Variants in HMMR observed in about 807,000 individuals in gnomAD.
HMMR encodes the protein hyaluronan mediated motility receptor, also known as intracellular hyaluronic acid-binding protein.
In HMMR, 108 loss-of-function variants were observed where a neutral mutation model predicts 101.0. The observed-to-expected ratio is 1.07, with a 90% confidence interval of 0.92 to 1.25. The LOEUF (loss-of-function observed/expected upper bound fraction) is 1.25, where lower values mean the gene tolerates loss of function less well. Ranked by LOEUF, HMMR falls within the 50% of genes most tolerant of loss-of-function variation. The probability of loss-of-function intolerance (pLI) is 0.00; values close to 1 mark genes in which losing one functional copy is unlikely to be tolerated. For synonymous variants in HMMR, 296 were observed against 276.4 expected (o/e 1.07, Z -0.70); for missense variants, 813 against 788.7 (o/e 1.03, Z -0.37).
intron 11 of HMMR, among the ~76,000 whole-genome samples, chr5:163,477,440 G>A (rs994416187): frequency 4.6e-5 from 7 of 151,944 alleles, no homozygotes; most frequent in Non-Finnish European, 7.4e-5. Flanking sequence ...AATCTTTTCT[G>A]TTTTCTTATG....
At position 163,464,736 on chromosome 5, in the gene HMMR, T is replaced by A. The variant is rs1490240955; in HGVS notation, c.159T>A (p.Asn53Lys). Residue 53 changes from asparagine to lysine, a missense_variant, in exon 3 of 18, where the codon AAT becomes AAA. Coordinates refer to ENST00000393915, the MANE Select transcript of HMMR (RefSeq NM_001142556.2). ...ATTTTTCCGCAGAATCTAAACAAAA[T>A]CTTAATGTTGACAAAGATACTACCT... ...RFKQQKESKQ[N>K]LNVDKDTTLP... 6.2e-7 allele frequency: 1 copy of A among 1,610,660 alleles called. No individual in the cohort carries two copies. Among genetic ancestry groups the A allele is most frequent in the Non-Finnish European group, 8.5e-7 (1 of 1,177,304 alleles).
intron 4 of HMMR, among the ~76,000 whole-genome samples, chr5:163,468,935 C>G (rs950965010): frequency 2.6e-5 from 4 of 151,878 alleles, no homozygotes; most frequent in Non-Finnish European, 4.4e-5. Flanking sequence ...GATGGCTTGC[C>G]AATGCCTAGT....
chr5:163,464,650 T>G (rs1758643075), intron 2 of HMMR, 73 bp from the exon 3 acceptor site: 1 of 1,007,966 alleles, frequency 9.9e-7, no homozygotes, highest in African/African-American at 1.6e-5. Context: ...CAAAAAAATT[T>G]GGAAATTGTG....
At position 163,460,648 on chromosome 5, in the gene HMMR, T is replaced by G. The variant is rs904496091; in HGVS notation, c.-45T>G. 6.4e-7 allele frequency: 1 copy of G among 1,566,232 alleles called. No homozygotes were observed. Among genetic ancestry groups the G allele is most frequent in the African/African-American group, 1.4e-5 (1 of 74,070 alleles). On this transcript the variant is annotated 5_prime_UTR_variant, in exon 1 of 18. Coordinates refer to ENST00000393915, the MANE Select transcript of HMMR (RefSeq NM_001142556.2). ...GGGAGTGATAATCCGCATTCAGTTG[T>G]CGAGGAGTGCCAGTCACCTTCAGTT...
intron 1 of HMMR, 64 bp from the exon 2 acceptor site, chr5:163,463,792 C>A: frequency 1.6e-6 from 1 of 607,778 alleles, no homozygotes; most frequent in Non-Finnish European, 2.6e-6. Flanking sequence ...TTTATTATGA[C>A]ATGTTTTAAC....
In HMMR at chr5:163,462,794, C is replaced by T. The variant is rs974410319; in HGVS notation, c.47-1062C>T. On this transcript the variant is annotated intron_variant, in intron 1 of 17. Coordinates refer to ENST00000393915, the MANE Select transcript of HMMR (RefSeq NM_001142556.2). Reference sequence around the variant, plus strand: ...AGTGAGCCAAGATGGCGCCACTACACTCCAGCCTAGACAACAGAGCAAGAC... The same window carrying T: ...AGTGAGCCAAGATGGCGCCACTACATTCCAGCCTAGACAACAGAGCAAGAC... Among the ~76,000 whole-genome samples the T allele has an allele frequency of 2.9e-5, 4 of 135,796 alleles. No homozygotes were observed. The South Asian group carries it at 9.2e-4, about 31-fold the overall frequency. 89.1% of individuals were successfully genotyped at this position (135,796 alleles called of 152,430 possible). A position where few individuals can be genotyped will look rare whatever the true frequency, so the allele number is the denominator to read the frequency against.
intron 10 of HMMR, among the ~76,000 whole-genome samples, chr5:163,475,218 T>G (rs1292744827): frequency 6.6e-6 from 1 of 151,988 alleles, no homozygotes; most frequent in East Asian, 1.9e-4. Context: ...TAATTTTAGA[T>G]TAAGAAGTTT....
At chr5:163,463,161 T>C (rs1758595286) in intron 1 of HMMR, among the ~76,000 whole-genome samples, 1 of 152,190 alleles carries the variant, frequency 6.6e-6, no homozygotes, top group African/African-American at 2.4e-5. Flanking sequence ...AACATACAAA[T>C]ATAGTCTAGT....
In HMMR at chr5:163,474,170, G is replaced by T. The variant is rs770301976; in HGVS notation, c.1018G>T (p.Glu340Ter). The T allele has an allele frequency of 6.2e-7, 1 of 1,608,744 alleles. No homozygotes were observed. Among genetic ancestry groups the T allele is most frequent in the Non-Finnish European group, 8.5e-7 (1 of 1,177,764 alleles). The change falls in exon 10 of 18, where the codon GAA becomes TAA. Residue 340 changes from glutamate (E) to a stop codon, truncating the protein, a stop_gained. Coordinates refer to ENST00000393915, the MANE Select transcript of HMMR (RefSeq NM_001142556.2). LOFTEE classifies it high-confidence loss of function. ...QQEREKLQQK[E>*]LQIDSLLQQE... ...GGAACGTGAAAAGCTTCAACAAAAA[G>T]AATTACAAATTGATTCACTTCTGCA...
chr5:163,484,274 A>C, intron 16 of HMMR, 29 bp downstream of exon 16: 1 of 1,285,242 alleles, frequency 7.8e-7, no homozygotes, highest in South Asian at 1.3e-5. Flanking sequence ...CATTTTATTA[A>C]AGATATTGGA....
rs1758968142 is a variant in HMMR at position 163,473,510 on chromosome 5, A to G, written c.857A>G (p.Gln286Arg). ...LEENIVILSKQVEDLNVKCQL... is the reference protein window; with the variant it reads ...LEENIVILSKRVEDLNVKCQL... ...GAGAATATTGTTATATTATCTAAAC[A>G]AGTAGAAGATCTAAATGTGAAATGT... Residue 286 changes from glutamine (Q) to arginine (R), a missense_variant, in exon 9 of 18, where the codon CAA becomes CGA. By Grantham distance (43) the Gln-to-Arg change is conservative. Coordinates refer to ENST00000393915, the MANE Select transcript of HMMR (RefSeq NM_001142556.2). 3 of 1,590,134 alleles carry G rather than the reference A, an allele frequency of 1.9e-6. No homozygotes were observed. In the East Asian group the frequency reaches 6.7e-5, roughly 36 times the overall value.
Position 163,468,946 on chromosome 5 carries a change from A to G in HMMR, c.274-695A>G, listed in dbSNP as rs78387796. Among the ~76,000 whole-genome samples, 541 of 152,200 alleles carry G rather than the reference A, an allele frequency of 3.6e-3. 1 individual carries two copies. The highest frequency in any genetic ancestry group is 5.7e-3 in the Non-Finnish European group (387 of 68,014). ...GAATGATGGCTTGCCAATGCCTAGT[A>G]CATTCTCCTCAGAAGCCCAGCTCTG... is the stretch of plus-strand genomic sequence containing the variant. On this transcript the variant is annotated intron_variant, in intron 4 of 17. Transcript: ENST00000393915.
chr5:163,491,111 G>A lies in HMMR; in HGVS notation c.2126-1G>A. ...ATCCTTCTTTTCAATAATTCTTCTA[G>A]GCAATACAAACTGTTACCGAGCTCC... is the stretch of plus-strand genomic sequence containing the variant. On this transcript the variant is annotated splice_acceptor_variant, in intron 17 of 17. Coordinates refer to ENST00000393915, the MANE Select transcript of HMMR (RefSeq NM_001142556.2). LOFTEE classifies it high-confidence loss of function. 2 of 1,542,058 alleles carry A rather than the reference G, an allele frequency of 1.3e-6. No individual in the cohort carries two copies. Among genetic ancestry groups the A allele is most frequent in the Non-Finnish European group, 1.8e-6 (2 of 1,134,280 alleles).
chr5:163,481,788 T>C (rs1759275242), intron 12 of HMMR, among the ~76,000 whole-genome samples: 1 of 152,206 alleles, frequency 6.6e-6, no homozygotes, highest in Non-Finnish European at 1.5e-5. Flanking sequence ...CCTTTATCAC[T>C]CACCTGGGCT....
At chr5:163,466,037 G>A (rs1269043732) in intron 3 of HMMR, among the ~76,000 whole-genome samples, 2 of 151,732 alleles carry the variant, frequency 1.3e-5, no homozygotes, top group African/African-American at 4.8e-5. Context: ...GCTGAAGCAG[G>A]TGGATTGCTT....
intron 5 of HMMR, among the ~76,000 whole-genome samples, chr5:163,470,403 C>A (rs1223624139): frequency 6.6e-6 from 1 of 152,130 alleles, no homozygotes; most frequent in Non-Finnish European, 1.5e-5. Context: ...GGATGGATCA[C>A]TTGAGGTCAG....
At chr5:163,464,630 A>T in intron 2 of HMMR, 93 bp from the exon 3 acceptor site, 1 of 863,868 alleles carries the variant, frequency 1.2e-6, no homozygotes, top group Non-Finnish European at 1.9e-6. Context: ...AACAAACAAA[A>T]AGAGAAAGAC....
chr5:163,484,052 T>A lies in HMMR; in HGVS notation c.1786-17T>A. The A allele has an allele frequency of 3.3e-6, 5 of 1,514,066 alleles. 1 individual carries two copies. Among genetic ancestry groups the A allele is most frequent in the Non-Finnish European group, 4.5e-6 (5 of 1,109,826 alleles). 93.8% of individuals were successfully genotyped at this position (1,514,066 alleles called of 1,614,324 possible). A position where few individuals can be genotyped will look rare whatever the true frequency, so the allele number is the denominator to read the frequency against. On this transcript the variant is annotated splice_polypyrimidine_tract_variant and intron_variant, in intron 15 of 17. Transcript: ENST00000393915. Reference sequence around the variant, plus strand: ...AACTGTTTTAAGTCTTAACTTTATTTAAAAAATCTTTTTCAGCTACAACTA... The same window carrying A: ...AACTGTTTTAAGTCTTAACTTTATTAAAAAAATCTTTTTCAGCTACAACTA...
At chr5:163,487,445 G>A (rs1223962204) in intron 16 of HMMR, among the ~76,000 whole-genome samples, 2 of 152,006 alleles carry the variant, frequency 1.3e-5, no homozygotes, top group East Asian at 1.9e-4. Context: ...ATCACAAAAT[G>A]AGTGAGAAAT....
Sources: allele counts gnomAD v4.1 joint callset (sites outside exome capture counted in the v4.1 genomes callset), GRCh38; gene constraint gnomAD v4.1.1; transcripts MANE v1.5; gene names NCBI Gene and HGNC (gene_info 2026-07-23, HGNC 2026-07-21).